Variants in CERS3 observed in about 807,000 individuals in gnomAD.
CERS3 encodes ceramide synthase 3.
In CERS3, 33 loss-of-function variants were observed where a neutral mutation model predicts 50.3. That is an observed-to-expected ratio of 0.66 (90% confidence interval 0.50 to 0.88). CERS3 has a LOEUF of 0.88. Ranked by LOEUF, CERS3 falls within the 40% of genes least tolerant of loss-of-function variation. The pLI is 0.00. For missense variants in CERS3, 470 were observed against 460.3 expected, an observed-to-expected ratio of 1.02 and a Z score of -0.19; for synonymous variants, 176 against 155.2, an observed-to-expected ratio of 1.13 and a Z score of -0.99.
chr15:100,458,358 G>T (rs932918693), intron 10 of CERS3, among the ~76,000 whole-genome samples: 1 of 152,106 alleles, frequency 6.6e-6, no homozygotes, highest in South Asian at 2.1e-4. Context: ...GCTGAGGCAG[G>T]TGCATTACCT....
chr15:100,484,358 G>A (rs1392977501), intron 5 of CERS3, among the ~76,000 whole-genome samples, 192 bp downstream of exon 5: 1 of 152,186 alleles, frequency 6.6e-6, no homozygotes, highest in Non-Finnish European at 1.5e-5. Flanking sequence ...AGAGTTCAGA[G>A]CTTACTTGAT....
intron 8 of CERS3, among the ~76,000 whole-genome samples, chr15:100,475,357 C>T (rs912843723): frequency 6.6e-6 from 1 of 152,192 alleles, no homozygotes; most frequent in Non-Finnish European, 1.5e-5. Context: ...TATTAAATGT[C>T]ATTGTATTTA....
chr15:100,416,442 A>T (rs2031911444), intron 11 of CERS3, among the ~76,000 whole-genome samples: 1 of 152,214 alleles, frequency 6.6e-6, no homozygotes, highest in Admixed American at 6.5e-5. Flanking sequence ...AATGGGAGTA[A>T]ATATTTGCAA....
chr15:100,495,809 T>C (rs1203097070), intron 3 of CERS3, among the ~76,000 whole-genome samples: 1 of 152,202 alleles, frequency 6.6e-6, no homozygotes, highest in African/African-American at 2.4e-5. Flanking sequence ...AATTCAATAT[T>C]TTCAAGTATA....
intron 11 of CERS3, among the ~76,000 whole-genome samples, chr15:100,420,347 C>T (rs2032330568): frequency 1.3e-5 from 2 of 152,064 alleles, no homozygotes; most frequent in Non-Finnish European, 2.9e-5. Context: ...TGGATAAATT[C>T]CTGGACACAT....
chr15:100,495,880 T>C (rs2035796509), intron 3 of CERS3, among the ~76,000 whole-genome samples: 1 of 152,246 alleles, frequency 6.6e-6, no homozygotes, highest in Admixed American at 6.5e-5. Context: ...ACCATTACTA[T>C]GAATCAGCCT....
intron 10 of CERS3, among the ~76,000 whole-genome samples, chr15:100,463,408 C>G (rs1411470637): frequency 8.3e-6 from 1 of 120,708 alleles, no homozygotes; most frequent in Non-Finnish European, 1.6e-5. Flanking sequence ...GTACTCCAGC[C>G]TGGCAACAGA....
At chr15:100,455,305 G>C (rs2034329093) in intron 11 of CERS3, among the ~76,000 whole-genome samples, 1 of 152,012 alleles carries the variant, frequency 6.6e-6, no homozygotes, top group Non-Finnish European at 1.5e-5. Context: ...AGATTGGGAA[G>C]GGTGTGTTGG....
intron 1 of CERS3, among the ~76,000 whole-genome samples, chr15:100,542,874 CTGTT>C (rs1252813281): frequency 6.6e-6 from 1 of 152,044 alleles, no homozygotes; most frequent in Admixed American, 6.5e-5. Context: ...TCTATGCTAT[CTGTT>C]TGTGATAAAC....
At chr15:100,473,120 A>C in intron 8 of CERS3, 68 bp from the exon 9 acceptor site, 1 of 1,480,960 alleles carries the variant, frequency 6.8e-7, no homozygotes, top group Admixed American at 2.0e-5. Context: ...GGAAGAGATA[A>C]TCATAATAAT....
intron 11 of CERS3, among the ~76,000 whole-genome samples, chr15:100,425,818 A>C (rs2032776435): frequency 6.6e-6 from 1 of 152,134 alleles, no homozygotes; most frequent in African/African-American, 2.4e-5. Flanking sequence ...CCCCACCTAA[A>C]TCTCATGTTG....
chr15:100,473,854 A>G (rs770082530), intron 8 of CERS3, among the ~76,000 whole-genome samples: 1 of 152,358 alleles, frequency 6.6e-6, no homozygotes, highest in East Asian at 1.9e-4. Flanking sequence ...AGCATTACTC[A>G]TAACAGCCAA....
At chr15:100,434,899 C>T (rs999868503) in intron 11 of CERS3, among the ~76,000 whole-genome samples, 2 of 151,578 alleles carry the variant, frequency 1.3e-5, no homozygotes, top group African/African-American at 2.4e-5. Flanking sequence ...TTTTGGGAAA[C>T]GACGTTTAAA....
In CERS3 at chr15:100,400,948, A is replaced by C. The variant is rs1596589097; in HGVS notation, c.*1765T>G. 1 of 152,292 alleles carries C rather than the reference A, an allele frequency of 6.6e-6. No homozygotes were observed. The highest frequency in any genetic ancestry group is 2.1e-4 in the South Asian group (1 of 4,830). The allele number at this position is 152,292 out of a possible 1,614,324, so 9.4% of individuals were successfully genotyped here. ...TAAAAGCAAATGTTATACAGAGAAA[A>C]TCTGACCTTGTTTGTAACAATTTCT... On this transcript the variant is annotated 3_prime_UTR_variant, in exon 12 of 12. Coordinates refer to ENST00000679737, the MANE Select transcript of CERS3 (RefSeq NM_001378789.1).
At chr15:100,495,886 A>G (rs973799666) in intron 3 of CERS3, among the ~76,000 whole-genome samples, 2 of 152,256 alleles carry the variant, frequency 1.3e-5, no homozygotes, top group African/African-American at 4.8e-5. Context: ...ACTATGAATC[A>G]GCCTTAGAAC....
intron 9 of CERS3, 123 bp downstream of exon 9, chr15:100,472,801 T>C: frequency 9.3e-7 from 1 of 1,078,360 alleles, no homozygotes; most frequent in Non-Finnish European, 1.4e-6. Flanking sequence ...CTAGAGATAT[T>C]CTCAGAATTT....
chr15:100,417,878 T>A (rs887026574), intron 11 of CERS3, among the ~76,000 whole-genome samples: 2 of 151,832 alleles, frequency 1.3e-5, no homozygotes, highest in Admixed American at 1.3e-4. Flanking sequence ...GTCCTCTCTG[T>A]TAGAAGGAAA....
rs73475743 is a variant in CERS3, at chr15:100,519,718, C to T, written c.-2+1949G>A. On this transcript the variant is annotated intron_variant, in intron 2 of 11. Coordinates refer to ENST00000679737, the MANE Select transcript of CERS3 (RefSeq NM_001378789.1). ...CTGCCATCTTATGAAATCCCAGCCACTCCAACCTTTGCCATGCTGCTAGGT... is the reference window on the plus strand; with the variant it reads ...CTGCCATCTTATGAAATCCCAGCCATTCCAACCTTTGCCATGCTGCTAGGT... 8.5e-3 allele frequency among the ~76,000 whole-genome samples: 1,298 copies of T among 152,316 alleles called. 23 individuals carry two copies. The highest frequency in any genetic ancestry group is 0.029 in the African/African-American group (1,219 of 41,564).
chr15:100,487,329 ATG>A lies in CERS3; in HGVS notation c.289-2663_289-2662del, dbSNP rs558975446. 8.5e-5 allele frequency among the ~76,000 whole-genome samples: 13 copies of A among 152,308 alleles called. No homozygotes were observed. The South Asian group carries it at 2.1e-3, about 24-fold the overall frequency. ...AGCTGACCTTTACTGAGCATCTACT[ATG>A]TGCCAAGCACTATTCTAAGCACTTT... On this transcript the variant is annotated intron_variant, in intron 4 of 11. Transcript: ENST00000679737.
Sources: allele counts gnomAD v4.1 joint callset (sites outside exome capture counted in the v4.1 genomes callset), GRCh38; gene constraint gnomAD v4.1.1; transcripts MANE v1.5; gene names NCBI Gene and HGNC (gene_info 2026-07-23, HGNC 2026-07-21).